Variants in FAM81A observed in about 807,000 individuals in gnomAD.
FAM81A encodes the protein protein FAM81A.
A neutral mutation model predicts 46.7 loss-of-function variants in FAM81A; 19 were observed. That is an observed-to-expected ratio of 0.41 (90% confidence interval 0.28 to 0.60). The LOEUF is 0.60. FAM81A is among the 20% of genes least tolerant of loss of function. The probability of loss-of-function intolerance (pLI) is 0.34; values close to 1 mark genes in which losing one functional copy is unlikely to be tolerated. For synonymous variants in FAM81A, 183 were observed against 152.9 expected, an observed-to-expected ratio of 1.20 and a Z score of -1.45; for missense variants, 377 against 453.5, an observed-to-expected ratio of 0.83 and a Z score of 1.53.
At chr15:59,479,218 A>G (rs1230951314) in intron 3 of FAM81A, among the ~76,000 whole-genome samples, 3 of 152,128 alleles carry the variant, frequency 2.0e-5, no homozygotes, top group African/African-American at 7.2e-5. Context: ...TGGCTGTCTT[A>G]GAAAGGATGG....
chr15:59,408,306 T>C (rs1017254965), intron 2 of FAM81A, among the ~76,000 whole-genome samples: 31 of 152,346 alleles, frequency 2.0e-4, no homozygotes, highest in African/African-American at 6.0e-4. Flanking sequence ...GTTTCTTTTG[T>C]TGTTGTTGTT....
chr15:59,417,793 T>C (rs1415936448), intron 2 of FAM81A, among the ~76,000 whole-genome samples: 2 of 152,138 alleles, frequency 1.3e-5, no homozygotes, highest in Admixed American at 6.6e-5. Context: ...TATTATACTT[T>C]AAAGTTCTAG....
intron 1 of FAM81A, among the ~76,000 whole-genome samples, chr15:59,458,333 A>G (rs1229818279): frequency 1.3e-5 from 2 of 152,220 alleles, no homozygotes; most frequent in East Asian, 1.9e-4. Context: ...GCTTAGCAAT[A>G]TTAATTTCAG....
At chr15:59,471,681 C>T (rs1262995170) in intron 3 of FAM81A, among the ~76,000 whole-genome samples, 1 of 151,698 alleles carries the variant, frequency 6.6e-6, no homozygotes, top group Non-Finnish European at 1.5e-5. Context: ...GTTGCCCAGC[C>T]TCTGCCTCTG....
rs1370344889 is a variant in FAM81A, at chr15:59,514,326, T to C, written c.688T>C (p.Leu230=). ...GTVEELSNQI[L]SARSWLQQEQ... ...AGTTGAGGAACTCAGTAACCAGATA[T>C]TATCTGCACGGAGTTGGTTGCAACA... is the stretch of plus-strand genomic sequence containing the variant. Residue 230 remains leucine (L), a synonymous_variant, in exon 7 of 9, where the codon TTA becomes CTA. Coordinates refer to ENST00000288228, the MANE Select transcript of FAM81A (RefSeq NM_152450.3). 2 of 1,612,850 alleles carry C rather than the reference T, an allele frequency of 1.2e-6. No homozygotes were observed. Among genetic ancestry groups the C allele is most frequent in the Non-Finnish European group, 1.7e-6 (2 of 1,179,384 alleles).
chr15:59,441,500 G>C (rs1352228964), intron 1 of FAM81A, among the ~76,000 whole-genome samples: 1 of 152,146 alleles, frequency 6.6e-6, no homozygotes, highest in South Asian at 2.1e-4. Flanking sequence ...TATCGTATGG[G>C]GTAGCACTGT....
intron 1 of FAM81A, among the ~76,000 whole-genome samples, chr15:59,400,507 A>G (rs1411916571): frequency 5.9e-5 from 9 of 152,146 alleles, no homozygotes; most frequent in African/African-American, 2.2e-4. Context: ...TATCTTCAGC[A>G]TAAGGCTGAT....
intron 1 of FAM81A, among the ~76,000 whole-genome samples, chr15:59,456,343 T>G (rs1288452280): frequency 6.6e-6 from 1 of 151,876 alleles, no homozygotes; most frequent in Non-Finnish European, 1.5e-5. Flanking sequence ...AGTGGCCAAA[T>G]ATGAGGGCGG....
At chr15:59,475,765 A>G (rs1450022474) in intron 3 of FAM81A, among the ~76,000 whole-genome samples, 7 of 152,232 alleles carry the variant, frequency 4.6e-5, no homozygotes, top group Admixed American at 3.3e-4. Flanking sequence ...TTAAAAATTT[A>G]AGACTCCAAT....
chr15:59,443,021 A>G (rs1276823658), intron 1 of FAM81A, among the ~76,000 whole-genome samples: 1 of 152,350 alleles, frequency 6.6e-6, no homozygotes, highest in South Asian at 2.1e-4. Context: ...GGCCTTATTC[A>G]TGTATCATCT....
intron 6 of FAM81A, among the ~76,000 whole-genome samples, chr15:59,513,396 C>T (rs1455345432): frequency 6.6e-6 from 1 of 152,136 alleles, no homozygotes; most frequent in East Asian, 1.9e-4. Flanking sequence ...TCCTCTGAGC[C>T]AGGAGTATCG....
At chr15:59,508,152 G>T (rs1463484087) in intron 5 of FAM81A, among the ~76,000 whole-genome samples, 2 of 152,068 alleles carry the variant, frequency 1.3e-5, no homozygotes, top group East Asian at 3.8e-4. Flanking sequence ...AGTGAGAATG[G>T]AATTACTACA....
At chr15:59,508,839 T>A (rs777813611) in intron 5 of FAM81A, 24 bp from the exon 6 acceptor site, 2 of 1,594,778 alleles carry the variant, frequency 1.3e-6, no homozygotes, top group Non-Finnish European at 8.6e-7. Flanking sequence ...GATGTGATAT[T>A]TATAAGCAAG....
intron 2 of FAM81A, among the ~76,000 whole-genome samples, chr15:59,405,886 G>A (rs1239548351): frequency 1.3e-5 from 2 of 152,160 alleles, no homozygotes; most frequent in African/African-American, 2.4e-5. Flanking sequence ...CAGTTGTCCC[G>A]ATTATGTCTG....
chr15:59,490,589 T>C (rs1251508779), intron 3 of FAM81A, among the ~76,000 whole-genome samples: 3 of 152,158 alleles, frequency 2.0e-5, no homozygotes, highest in Non-Finnish European at 4.4e-5. Context: ...CCCAGCACTT[T>C]GGGAGGCCGA....
At chr15:59,480,150 G>T (rs2081831477) in intron 3 of FAM81A, among the ~76,000 whole-genome samples, 1 of 152,194 alleles carries the variant, frequency 6.6e-6, no homozygotes, top group African/African-American at 2.4e-5. Context: ...TGGTGGAAAT[G>T]CCAAGAAGGC....
At chr15:59,437,338 C>T (rs1000935277), upstream of FAM81A, among the ~76,000 whole-genome samples, 86 of 151,680 alleles carry the variant, frequency 5.7e-4, 1 homozygote, top group Middle Eastern at 3.2e-3. Context: ...AGGCACGAAC[C>T]AGATGAGGCA....
chr15:59,500,736 C>T (rs1250596863), intron 4 of FAM81A, among the ~76,000 whole-genome samples: 1 of 151,754 alleles, frequency 6.6e-6, no homozygotes, highest in East Asian at 1.9e-4. Flanking sequence ...AATCTCTAGC[C>T]ACCTATTTTC....
At chr15:59,410,332 A>C (rs2081114982) in intron 2 of FAM81A, among the ~76,000 whole-genome samples, 1 of 152,194 alleles carries the variant, frequency 6.6e-6, no homozygotes, top group Non-Finnish European at 1.5e-5. Context: ...TTACTAGTAC[A>C]GAAGAAAGTT....
Sources: gnomAD v4.1 joint callset for allele counts (sites outside exome capture counted in the v4.1 genomes callset) on GRCh38, gnomAD v4.1.1 for gene constraint, MANE v1.5 for transcripts, NCBI Gene and HGNC (gene_info 2026-07-23, HGNC 2026-07-21) for gene names.